The following RFX3 variants were observed in gnomAD, a reference collection of about 807,000 sequenced individuals.
RFX3 encodes transcription factor RFX3.
Under a neutral mutation model 98.6 loss-of-function variants are expected in RFX3, and 14 were observed. The observed-to-expected ratio is 0.14, with a 90% CI of 0.09 to 0.22. The LOEUF (loss-of-function observed/expected upper bound fraction) is 0.22, where lower values mean the gene tolerates loss of function less well. Ranked by LOEUF, RFX3 falls within the 10% of genes least tolerant of loss-of-function variation. The pLI is 1.00. For missense variants in RFX3, 639 were observed against 926.9 expected (o/e 0.69, Z 4.03); for synonymous variants, 383 against 328.4 (o/e 1.17, Z -1.80).
At chr9:3,269,619 C>A (rs1390987602) in intron 11 of RFX3, among the ~76,000 whole-genome samples, 3 of 152,100 alleles carry the variant, frequency 2.0e-5, no homozygotes, top group Non-Finnish European at 4.4e-5. Flanking sequence ...GAGAAAATAG[C>A]TTTGTTTGCT....
intron 1 of RFX3, among the ~76,000 whole-genome samples, chr9:3,444,956 G>A (rs549443400): frequency 1.3e-5 from 2 of 152,294 alleles, no homozygotes; most frequent in East Asian, 3.9e-4. Context: ...TGTGGGATAG[G>A]AGACAGACAG....
chr9:3,329,665 C>G (rs1394806979), intron 4 of RFX3, among the ~76,000 whole-genome samples: 2 of 151,946 alleles, frequency 1.3e-5, no homozygotes, highest in Admixed American at 1.3e-4. Flanking sequence ...ATATTGATTT[C>G]AATATGTATT....
chr9:3,347,146 C>G (rs1478097859), intron 2 of RFX3, among the ~76,000 whole-genome samples: 1 of 151,954 alleles, frequency 6.6e-6, no homozygotes, highest in Non-Finnish European at 1.5e-5. Context: ...CACGGTGAAA[C>G]CCCGTCTTTA....
rs550357565 is a variant in RFX3, at chr9:3,266,575, G to A, written c.1358-270C>T. Among the ~76,000 whole-genome samples, 7 of 152,016 alleles carry A rather than the reference G, an allele frequency of 4.6e-5. No homozygotes were observed. The South Asian group carries it at 1.2e-3, about 27-fold the overall frequency. On this transcript the variant is annotated intron_variant, in intron 11 of 16. Transcript: ENST00000617270. ...AAGGATTCAAACATTTTTGCTTACA[G>A]CAACATATACCAGTTGTGAATATAC... is the stretch of plus-strand genomic sequence containing the variant.
At chr9:3,273,001 A>T (rs752218498) in intron 9 of RFX3, among the ~76,000 whole-genome samples, 1 of 152,178 alleles carries the variant, frequency 6.6e-6, no homozygotes, top group East Asian at 1.9e-4. Context: ...AATAATCTCA[A>T]ATAACTCTTT....
At chr9:3,312,752 G>A (rs1225848223) in intron 4 of RFX3, among the ~76,000 whole-genome samples, 1 of 152,188 alleles carries the variant, frequency 6.6e-6, no homozygotes, top group African/African-American at 2.4e-5. Context: ...CACGCCCATG[G>A]AGCCTCGCTC....
At chr9:3,447,433 T>G (rs1222027283) in intron 1 of RFX3, among the ~76,000 whole-genome samples, 1 of 152,110 alleles carries the variant, frequency 6.6e-6, no homozygotes, top group Non-Finnish European at 1.5e-5. Context: ...AGACAAAAAC[T>G]TTGGGCTAAG....
chr9:3,410,143 G>A (rs1188926278), intron 1 of RFX3, among the ~76,000 whole-genome samples: 2 of 139,802 alleles, frequency 1.4e-5, no homozygotes, highest in Non-Finnish European at 3.1e-5. Context: ...TGTTTAACAC[G>A]ATTTCAAGTG....
intron 2 of RFX3, among the ~76,000 whole-genome samples, chr9:3,383,341 C>A (rs1482245907): frequency 6.6e-6 from 1 of 152,086 alleles, no homozygotes; most frequent in African/African-American, 2.4e-5. Flanking sequence ...CTTGATAATG[C>A]ATAGTGATTG....
chr9:3,345,568 T>C (rs1246838748), intron 3 of RFX3, among the ~76,000 whole-genome samples: 2 of 152,162 alleles, frequency 1.3e-5, no homozygotes, highest in Admixed American at 1.3e-4. Context: ...GTACTTTAAA[T>C]ATATTTCCTT....
intron 5 of RFX3, 58 bp from the exon 6 acceptor site, chr9:3,293,316 C>A (rs1586913709): frequency 1.6e-6 from 2 of 1,259,132 alleles, no homozygotes; most frequent in East Asian, 4.8e-5. Context: ...AAAATTTCTA[C>A]AAGACACTGC....
At chr9:3,367,831 C>CA (rs1461141059) in intron 2 of RFX3, among the ~76,000 whole-genome samples, 2 of 152,098 alleles carry the variant, frequency 1.3e-5, no homozygotes, top group Admixed American at 1.3e-4. Flanking sequence ...AAGTTACAAG[C>CA]AAATTGAAAA....
At chr9:3,357,291 C>T (rs908234402) in intron 2 of RFX3, among the ~76,000 whole-genome samples, 2 of 151,912 alleles carry the variant, frequency 1.3e-5, no homozygotes, top group Non-Finnish European at 2.9e-5. Flanking sequence ...CTTGTACATT[C>T]TTGCTACCTT....
intron 1 of RFX3, among the ~76,000 whole-genome samples, chr9:3,490,086 G>C (rs867770479): frequency 6.6e-6 from 1 of 151,886 alleles, no homozygotes; most frequent in East Asian, 1.9e-4. Flanking sequence ...AACATATATA[G>C]TAGTGATAGA....
At chr9:3,309,813 G>A (rs1160329772) in intron 4 of RFX3, among the ~76,000 whole-genome samples, 1 of 152,162 alleles carries the variant, frequency 6.6e-6, no homozygotes, top group Non-Finnish European at 1.5e-5. Context: ...TTCTAAAGGA[G>A]AGTCCTTCTC....
chr9:3,317,183 G>C (rs566566199), intron 4 of RFX3, among the ~76,000 whole-genome samples: 1 of 152,234 alleles, frequency 6.6e-6, no homozygotes, highest in South Asian at 2.1e-4. Flanking sequence ...ATAGACCAAT[G>C]GAACAGAATA....
At chr9:3,277,813 T>A (rs752822183) in intron 7 of RFX3, among the ~76,000 whole-genome samples, 3 of 151,962 alleles carry the variant, frequency 2.0e-5, no homozygotes, top group African/African-American at 4.8e-5. Flanking sequence ...AATGGATATA[T>A]TGGAACTTTA....
intron 1 of RFX3, among the ~76,000 whole-genome samples, chr9:3,439,418 A>G (rs1398083539): frequency 6.6e-6 from 1 of 152,110 alleles, no homozygotes; most frequent in South Asian, 2.1e-4. Flanking sequence ...ATAAACCTCT[A>G]GACAGACTGA....
chr9:3,521,197 G>A (rs901916885), intron 1 of RFX3, among the ~76,000 whole-genome samples: 1 of 152,032 alleles, frequency 6.6e-6, no homozygotes, highest in Admixed American at 6.5e-5. Context: ...ATGATTCTCA[G>A]GGTAACCTAA....
Sources: allele counts gnomAD v4.1 joint callset (sites outside exome capture counted in the v4.1 genomes callset), GRCh38; gene constraint gnomAD v4.1.1; transcripts MANE v1.5; gene names NCBI Gene and HGNC (gene_info 2026-07-23, HGNC 2026-07-21).